The following SLC8A1 variants were observed in gnomAD, a reference collection of about 807,000 sequenced individuals.
The protein encoded by SLC8A1 is solute carrier family 8 member A1.
Under a neutral mutation model 68.3 loss-of-function variants are expected in SLC8A1, and 18 were observed. The ratio of observed to expected loss-of-function variants is 0.26; its 90% CI spans 0.18 to 0.39. The LOEUF (loss-of-function observed/expected upper bound fraction) is 0.39. Among genes scored for constraint, SLC8A1 ranks in the 10% least tolerant of loss-of-function variants. The pLI is 1.00. For synonymous variants in SLC8A1, 475 were observed against 415.5 expected (o/e 1.14, Z -1.74); for missense variants, 985 against 1,156.7 (o/e 0.85, Z 2.15).
intron 2 of SLC8A1, among the ~76,000 whole-genome samples, chr2:40,308,502 C>T (rs1024267085): frequency 1.3e-5 from 2 of 152,078 alleles, no homozygotes; most frequent in Non-Finnish European, 2.9e-5. Flanking sequence ...GCCATTTCTG[C>T]TAGGCAGTAA....
chr2:40,169,757 A>G lies in SLC8A1; in HGVS notation c.1931-4773T>C, dbSNP rs927803514. Among the ~76,000 whole-genome samples, 35 of 152,240 alleles carry G rather than the reference A, an allele frequency of 2.3e-4. 1 individual carries two copies. The highest frequency in any genetic ancestry group is 2.2e-3 in the Admixed American group (34 of 15,296). On this transcript the variant is annotated intron_variant, in intron 4 of 7. Coordinates refer to ENST00000406785, the Ensembl canonical transcript of SLC8A1. ...GGAGTTCCAGACCAGCCTGGGCCAC[A>G]TGGTGAGACCCCGTCTCTACAAAAA...
chr2:40,310,862 C>A (rs745658073), intron 2 of SLC8A1, among the ~76,000 whole-genome samples: 3 of 152,080 alleles, frequency 2.0e-5, no homozygotes, highest in Non-Finnish European at 4.4e-5. Context: ...TACTCACATA[C>A]CCTTATACTA....
At chr2:40,448,523 A>G (rs955150176) in intron 1 of SLC8A1, among the ~76,000 whole-genome samples, 4 of 152,220 alleles carry the variant, frequency 2.6e-5, no homozygotes, top group Admixed American at 1.3e-4. Flanking sequence ...TTTAAAAAGA[A>G]AAGTGGAAAC....
rs749286994 is a variant in SLC8A1, at chr2:40,380,646, G to A, written c.1808+47827C>T. Among the ~76,000 whole-genome samples, 51 of 152,090 alleles carry A rather than the reference G, an allele frequency of 3.4e-4. 1 individual carries two copies. Among genetic ancestry groups the A allele is most frequent in the Middle Eastern group, 3.4e-3 (1 of 294 alleles). On this transcript the variant is annotated intron_variant, in intron 2 of 7. Transcript: ENST00000406785. Reference sequence around the variant, plus strand: ...CCTAAAGCAAAATAAAGTAGCTTACGGCAAGTGATGAGTGCCTTAATTATG... The same window carrying A: ...CCTAAAGCAAAATAAAGTAGCTTACAGCAAGTGATGAGTGCCTTAATTATG...
chr2:40,292,354 G>A (rs1287627645), intron 2 of SLC8A1, among the ~76,000 whole-genome samples: 1 of 152,100 alleles, frequency 6.6e-6, no homozygotes, highest in East Asian at 1.9e-4. Context: ...TAATTTGATG[G>A]CCTTTTGGAG....
At chr2:40,402,890 T>A (rs983659469) in intron 2 of SLC8A1, among the ~76,000 whole-genome samples, 19 of 152,240 alleles carry the variant, frequency 1.2e-4, no homozygotes, top group Admixed American at 1.2e-3. Flanking sequence ...AAGTCATTGC[T>A]ATTAGCTACC....
chr2:40,352,982 G>A (rs1165766568), intron 2 of SLC8A1, among the ~76,000 whole-genome samples: 1 of 152,086 alleles, frequency 6.6e-6, no homozygotes, highest in Non-Finnish European at 1.5e-5. Flanking sequence ...CTCACTTACG[G>A]AAGGTCCACA....
At chr2:40,430,331 G>A (rs1349780020) in intron 1 of SLC8A1, 27 bp from the exon 2 acceptor site, 2 of 1,536,852 alleles carry the variant, frequency 1.3e-6, no homozygotes, top group South Asian at 1.3e-5. Flanking sequence ...GGGGGAGAGG[G>A]CAGAAAAAAA....
At chr2:40,447,334 A>G (rs956772725) in intron 1 of SLC8A1, among the ~76,000 whole-genome samples, 6 of 152,134 alleles carry the variant, frequency 3.9e-5, no homozygotes, top group Non-Finnish European at 8.8e-5. Flanking sequence ...TCAAATTTGT[A>G]TTACCCTTGT....
chr2:40,485,532 G>T (rs971577775), intron 1 of SLC8A1, among the ~76,000 whole-genome samples: 2 of 152,176 alleles, frequency 1.3e-5, no homozygotes, highest in Non-Finnish European at 2.9e-5. Flanking sequence ...TAAGCAATGA[G>T]CCAGGTGATA....
chr2:40,453,775 G>A (rs948083700), upstream of SLC8A1, among the ~76,000 whole-genome samples: 1 of 152,144 alleles, frequency 6.6e-6, no homozygotes, highest in African/African-American at 2.4e-5. Context: ...TTTTTCAATA[G>A]ACCTGGAGCA....
At chr2:40,391,447 CTGGCTGG>C (rs1158302969) in intron 2 of SLC8A1, among the ~76,000 whole-genome samples, 1 of 151,436 alleles carries the variant, frequency 6.6e-6, no homozygotes, top group Non-Finnish European at 1.5e-5. Flanking sequence ...TCCAATTGTT[CTGGCTGG>C]TGGCAAACTA....
intron 2 of SLC8A1, among the ~76,000 whole-genome samples, chr2:40,401,560 G>C: frequency 1.1e-5 from 1 of 92,648 alleles, no homozygotes; most frequent in South Asian, 3.6e-4. Context: ...TGAATTAATA[G>C]GCCAGTCAAA....
chr2:40,150,915 G>A (rs974717471), intron 6 of SLC8A1, among the ~76,000 whole-genome samples: 14 of 151,954 alleles, frequency 9.2e-5, no homozygotes, highest in African/African-American at 2.2e-4. Context: ...TTTTTAGATC[G>A]ACAGATATCC....
At chr2:40,426,149 T>C (rs937104748) in intron 2 of SLC8A1, among the ~76,000 whole-genome samples, 1 of 151,896 alleles carries the variant, frequency 6.6e-6, no homozygotes, top group Non-Finnish European at 1.5e-5. Flanking sequence ...AAATTAAAAA[T>C]CTAGAAAAAA....
chr2:40,295,231 C>CT lies in SLC8A1; in HGVS notation c.1809-117377dup, dbSNP rs1440351049. Among the ~76,000 whole-genome samples the CT allele has an allele frequency of 2.6e-5, 4 of 151,904 alleles. No individual in the cohort carries two copies. The East Asian group carries it at 7.7e-4, about 29-fold the overall frequency. The stretch of plus-strand genomic sequence containing the variant: ...CCTCCAGCCTCAGCCTCTGGAGTAG[C>CT]TGGGACTACAGGCATAAGCCACCAT... On this transcript the variant is annotated intron_variant, in intron 2 of 7. Coordinates refer to ENST00000406785, the Ensembl canonical transcript of SLC8A1.
At chr2:40,371,630 C>G (rs1678113704) in intron 2 of SLC8A1, among the ~76,000 whole-genome samples, 1 of 152,082 alleles carries the variant, frequency 6.6e-6, no homozygotes, top group Non-Finnish European at 1.5e-5. Flanking sequence ...AATCCTAGCT[C>G]TTGCTATTAT....
intron 2 of SLC8A1, among the ~76,000 whole-genome samples, chr2:40,332,183 T>C (rs752594928): frequency 2.0e-5 from 3 of 152,098 alleles, no homozygotes; most frequent in Non-Finnish European, 4.4e-5. Flanking sequence ...AAGTATTTTA[T>C]TTCTAAACTT....
At chr2:40,325,777 C>CAAAAAAA (rs3059526) in intron 2 of SLC8A1, among the ~76,000 whole-genome samples, 5 of 45,006 alleles carry the variant, frequency 1.1e-4, no homozygotes, top group Non-Finnish European at 2.1e-4. Context: ...ACTAAAAATA[C>CAAAAAAA]AAAAAAAAAA....
Sources: gnomAD v4.1 joint callset for allele counts (sites outside exome capture counted in the v4.1 genomes callset) on GRCh38, gnomAD v4.1.1 for gene constraint, MANE v1.5 for transcripts, NCBI Gene and HGNC (gene_info 2026-07-23, HGNC 2026-07-21) for gene names.